AKAP9: variants seen among roughly 807,000 people sequenced by gnomAD.
The protein encoded by AKAP9 is A-kinase anchor protein 9.
A neutral mutation model predicts 488.5 loss-of-function variants in AKAP9; 311 were observed. The ratio of observed to expected loss-of-function variants is 0.64; its 90% confidence interval spans 0.58 to 0.70. AKAP9 has a LOEUF of 0.70. AKAP9 is among the 30% of genes least tolerant of loss of function. The probability of loss-of-function intolerance (pLI) is 0.00; values close to 1 mark genes in which losing one functional copy is unlikely to be tolerated. For missense variants in AKAP9, 4,215 were observed against 4,374.5 expected, an observed-to-expected ratio of 0.96 and a Z score of 1.03; for synonymous variants, 1,462 against 1,483.5, an observed-to-expected ratio of 0.99 and a Z score of 0.33.
chr7:92,052,853 A>G lies in AKAP9; in HGVS notation c.5496A>G (p.Gly1832=), dbSNP rs886062474. The G allele has an allele frequency of 2.5e-6, 4 of 1,613,854 alleles. No individual in the cohort carries two copies. The highest frequency in any genetic ancestry group is 3.4e-6 in the Non-Finnish European group (4 of 1,179,878). Residue 1832 remains glycine, a synonymous_variant, in exon 22 of 50, where the codon GGA becomes GGG. Transcript: ENST00000356239. The part of the protein sequence containing the change: ...SQRLVRSGFA[G]TEIDPENEEL... The stretch of plus-strand genomic sequence containing the variant: ...GACTTGTGAGGAGTGGTTTTGCTGG[A>G]ACTGAAATAGACCCTGAAAATGAAG...
At chr7:92,038,215 G>A (rs1805502446) in intron 16 of AKAP9, among the ~76,000 whole-genome samples, 1 of 151,996 alleles carries the variant, frequency 6.6e-6, no homozygotes, top group African/African-American at 2.4e-5. Context: ...TAAAGTGGCA[G>A]GCAGTAAAAT....
rs147343306 is a variant in AKAP9 at position 92,092,961 on chromosome 7, A to G, written c.9359-136A>G. On this transcript the variant is annotated intron_variant, in intron 38 of 49. Transcript: ENST00000356239. ...CCACCATGCCTGGACTGCATTACCA[A>G]CTCTTGGGACTATAATTTTTCATGT... 21 of 767,632 alleles carry G rather than the reference A, an allele frequency of 2.7e-5. No homozygotes were observed. In the African/African-American group the frequency reaches 3.5e-4, roughly 13 times the overall value. 47.6% of individuals were successfully genotyped at this position (767,632 alleles called of 1,614,324 possible). A position where few individuals can be genotyped will look rare whatever the true frequency, so the allele number is the denominator to read the frequency against.
intron 1 of AKAP9, among the ~76,000 whole-genome samples, chr7:91,968,307 T>C (rs1235214744): frequency 6.6e-6 from 1 of 152,196 alleles, no homozygotes; most frequent in Non-Finnish European, 1.5e-5. Flanking sequence ...TTCTATTTCT[T>C]CATGGTTCAA....
intron 1 of AKAP9, among the ~76,000 whole-genome samples, chr7:91,969,620 T>C (rs1422079781): frequency 6.6e-6 from 1 of 152,226 alleles, no homozygotes; most frequent in African/African-American, 2.4e-5. Flanking sequence ...ATAATAGTTA[T>C]ATCCGCTTGC....
At chr7:92,030,680 C>T (rs1017799715) in intron 15 of AKAP9, among the ~76,000 whole-genome samples, 1 of 151,342 alleles carries the variant, frequency 6.6e-6, no homozygotes, top group Non-Finnish European at 1.5e-5. Flanking sequence ...CCCCAGAATC[C>T]AAGACAATAG....
At chr7:92,011,884 T>C (rs1282391763) in intron 8 of AKAP9, among the ~76,000 whole-genome samples, 1 of 152,128 alleles carries the variant, frequency 6.6e-6, no homozygotes, top group Non-Finnish European at 1.5e-5. Context: ...GAGGATTGCA[T>C]GAGCCCAGGA....
intron 30 of AKAP9, 152 bp downstream of exon 30, chr7:92,078,027 C>T (rs950537348): frequency 1.4e-5 from 7 of 493,678 alleles, no homozygotes; most frequent in Middle Eastern, 6.9e-4. Context: ...GACAGAATCT[C>T]GCTCTGTCGC....
intron 17 of AKAP9, among the ~76,000 whole-genome samples, chr7:92,039,202 C>A (rs931991056): frequency 6.6e-6 from 1 of 152,158 alleles, no homozygotes; most frequent in Non-Finnish European, 1.5e-5. Flanking sequence ...CCGTGCCCAG[C>A]CAGTTCACAC....
chr7:92,092,857 G>C, intron 38 of AKAP9: 1 of 430,148 alleles, frequency 2.3e-6, no homozygotes, highest in African/African-American at 2.0e-5. Context: ...ATGTTGCCCA[G>C]GCTGGTCTTG....
At position 92,083,269 on chromosome 7, in the gene AKAP9, G is replaced by T; in HGVS notation, c.8260G>T (p.Asp2754Tyr). 1 of 1,614,088 alleles carries T rather than the reference G, an allele frequency of 6.2e-7. No homozygotes were observed. Among genetic ancestry groups the T allele is most frequent in the Non-Finnish European group, 8.5e-7 (1 of 1,180,008 alleles). Reference sequence around the variant, plus strand: ...GAAATTGTCCATTTTAGAAAAAGAAGATGAGACTGAGGTACAAGAAAGCAA... The same window carrying T: ...GAAATTGTCCATTTTAGAAAAAGAATATGAGACTGAGGTACAAGAAAGCAA... Reference protein sequence around the residue: ...KEKLSILEKEDETEVQESKKA... With the variant: ...KEKLSILEKEYETEVQESKKA... The change falls in exon 33 of 50, where the codon GAT (aspartate) becomes TAT (tyrosine). Residue 2754 changes from aspartate (D) to tyrosine (Y), a missense_variant. Coordinates refer to ENST00000356239, the MANE Select transcript of AKAP9 (RefSeq NM_005751.5).
At chr7:92,060,419 A>G (rs1258474970) in intron 22 of AKAP9, among the ~76,000 whole-genome samples, 1 of 152,100 alleles carries the variant, frequency 6.6e-6, no homozygotes, top group Non-Finnish European at 1.5e-5. Flanking sequence ...TTCCCATGTA[A>G]TTGTTTCAGT....
rs1801493738 is a variant in AKAP9, at chr7:92,016,245, A to G, written c.3729A>G (p.Gln1243=). The change falls in exon 11 of 50, where the codon CAA becomes CAG. Residue 1243 remains glutamine (Q), a synonymous_variant. Transcript: ENST00000356239. Reference sequence around the variant, plus strand: ...CTGAAAATGAAGATCCAGAATTACAAGATTATAGATATGAAGTTCAAGGTA... The same window carrying G: ...CTGAAAATGAAGATCCAGAATTACAGGATTATAGATATGAAGTTCAAGGTA... ...YISENEDPEL[Q]DYRYEVQDFQ... The G allele has an allele frequency of 1.3e-6, 2 of 1,553,292 alleles. No homozygotes were observed. The highest frequency in any genetic ancestry group is 8.9e-7 in the Non-Finnish European group (1 of 1,127,710).
chr7:92,003,271 G>GA (rs1489450033), intron 8 of AKAP9, 36 bp downstream of exon 8: 1 of 1,467,636 alleles, frequency 6.8e-7, no homozygotes, highest in South Asian at 1.2e-5. Flanking sequence ...AAAGCACAAT[G>GA]AAAAAAATGT....
At chr7:92,019,705 G>A (rs1802046747) in intron 12 of AKAP9, among the ~76,000 whole-genome samples, 2 of 151,484 alleles carry the variant, frequency 1.3e-5, no homozygotes, top group South Asian at 2.1e-4. Flanking sequence ...ATTTTAGTAG[G>A]TGTTTAGAAG....
rs111983029 is a variant in AKAP9, at chr7:92,061,390, A to T, written c.5732A>T (p.Glu1911Val). 1 of 1,612,730 alleles carries T rather than the reference A, an allele frequency of 6.2e-7. No individual in the cohort carries two copies. The highest frequency in any genetic ancestry group is 1.3e-5 in the African/African-American group (1 of 74,706). ...ERLHEESRAR[E>V]QLAVELSKAE... is the part of the protein sequence containing the mutation. Reference sequence around the variant, plus strand: ...CTTCATGAGGAGTCCAGGGCCAGAGAACAGCTAGCTGTGGAGCTCAGTAAG... The same window carrying T: ...CTTCATGAGGAGTCCAGGGCCAGAGTACAGCTAGCTGTGGAGCTCAGTAAG... Residue 1911 changes from glutamate to valine, a missense_variant, in exon 23 of 50, where the codon GAA (glutamate) becomes GTA (valine). By Grantham distance (121) the Glu-to-Val change is moderately radical. Transcript: ENST00000356239.
At chr7:92,106,624 TTC>T (rs1818553830) in intron 47 of AKAP9, among the ~76,000 whole-genome samples, 1 of 152,334 alleles carries the variant, frequency 6.6e-6, no homozygotes, top group South Asian at 2.1e-4. Flanking sequence ...CTAAAATTCC[TTC>T]TGTCTACACC....
chr7:91,956,399 CAA>C (rs554292233), intron 1 of AKAP9, among the ~76,000 whole-genome samples: 1,695 of 108,072 alleles, frequency 0.016, 16 homozygotes, highest in African/African-American at 0.05. Flanking sequence ...GACTCTGTCT[CAA>C]AAAAAAAAAA....
intron 1 of AKAP9, among the ~76,000 whole-genome samples, chr7:91,965,623 T>C (rs1794345350): frequency 6.6e-6 from 1 of 152,224 alleles, no homozygotes; most frequent in Non-Finnish European, 1.5e-5. Context: ...TTTTCCATAG[T>C]GTGTGCTGAT....
rs746768447 is a variant in AKAP9 at position 92,097,741 on chromosome 7, G to T, written c.10554G>T (p.Lys3518Asn). 1 of 1,614,148 alleles carries T rather than the reference G, an allele frequency of 6.2e-7. No homozygotes were observed. Among genetic ancestry groups the T allele is most frequent in the South Asian group, 1.1e-5 (1 of 91,080 alleles). ...ATGAATTAGAAATGATCAGACAAAAGCTTCAATGTGTAGCTTCAAAACTAC... is the reference window on the plus strand; with the variant it reads ...ATGAATTAGAAATGATCAGACAAAATCTTCAATGTGTAGCTTCAAAACTAC... ...CNHELEMIRQ[K>N]LQCVASKLQV... Residue 3518 changes from lysine (K) to asparagine (N), a missense_variant, in exon 42 of 50, where the codon AAG becomes AAT. Physicochemically the swap from Lys to Asn is moderately conservative, Grantham distance 94. Transcript: ENST00000356239.
Sources: allele counts gnomAD v4.1 joint callset (sites outside exome capture counted in the v4.1 genomes callset), GRCh38; gene constraint gnomAD v4.1.1; transcripts MANE v1.5; gene names NCBI Gene and HGNC (gene_info 2026-07-23, HGNC 2026-07-21).